Variants in ATG7 observed in about 807,000 individuals in gnomAD.
The protein encoded by ATG7 is autophagy related 7.
Under a neutral mutation model 82.4 loss-of-function variants are expected in ATG7, and 70 were observed. The observed-to-expected ratio is 0.85, with a 90% CI of 0.70 to 1.04. The LOEUF (loss-of-function observed/expected upper bound fraction) is 1.04. Ranked by LOEUF, ATG7 falls within the 50% of genes least tolerant of loss-of-function variation. ATG7 has a pLI of 0.00. For missense variants in ATG7, 792 were observed against 864.3 expected, an observed-to-expected ratio of 0.92 and a Z score of 1.05; for synonymous variants, 287 against 313.0, an observed-to-expected ratio of 0.92 and a Z score of 0.88.
At chr3:11,476,172 C>CCTGT (rs1274586754) in intron 20 of ATG7, among the ~76,000 whole-genome samples, 1 of 152,164 alleles carries the variant, frequency 6.6e-6, no homozygotes, top group Non-Finnish European at 1.5e-5. Flanking sequence ...ACTGATGTCA[C>CCTGT]CTGTAAGAAC....
chr3:11,522,124 C>T (rs2092458529), intron 20 of ATG7, among the ~76,000 whole-genome samples: 1 of 152,112 alleles, frequency 6.6e-6, no homozygotes, highest in African/African-American at 2.4e-5. Context: ...TCTGTCTATC[C>T]CTAGAACTCA....
chr3:11,532,285 C>A (rs2092707898), intron 20 of ATG7, among the ~76,000 whole-genome samples: 2 of 152,298 alleles, frequency 1.3e-5, no homozygotes, highest in South Asian at 4.1e-4. Flanking sequence ...TCTCAAGGAG[C>A]CGGCACACAT....
At chr3:11,361,473 C>T (rs952190179) in intron 16 of ATG7, among the ~76,000 whole-genome samples, 10 of 151,764 alleles carry the variant, frequency 6.6e-5, no homozygotes, top group African/African-American at 1.7e-4. Context: ...TTAGTAGAGA[C>T]GGGGTTTCAC....
Position 11,308,966 on chromosome 3 carries a change from C to G in ATG7, c.334-18C>G, listed in dbSNP as rs1365990322. 6.2e-7 allele frequency: 1 copy of G among 1,609,256 alleles called. No individual in the cohort carries two copies. Among genetic ancestry groups the G allele is most frequent in the Non-Finnish European group, 8.5e-7 (1 of 1,175,518 alleles). On this transcript the variant is annotated intron_variant, in intron 6 of 20. Coordinates refer to ENST00000693202, the MANE Select transcript of ATG7 (RefSeq NM_001349232.2). The stretch of plus-strand genomic sequence containing the variant: ...AGATGCCTGGTAACCTGCCTTGATG[C>G]TTTTCTTCTTCTTGCAGATATGGGA...
intron 19 of ATG7, among the ~76,000 whole-genome samples, chr3:11,424,617 T>C (rs1466040726): frequency 6.6e-6 from 1 of 151,430 alleles, no homozygotes; most frequent in African/African-American, 2.4e-5. Flanking sequence ...TAATTTTTAA[T>C]ATTAAATATT....
intron 19 of ATG7, among the ~76,000 whole-genome samples, chr3:11,410,299 T>C (rs898752469): frequency 4.6e-5 from 7 of 152,180 alleles, no homozygotes; most frequent in Non-Finnish European, 7.3e-5. Flanking sequence ...ACCTAGGTAT[T>C]TTTGGGTGTT....
Position 11,282,437 on chromosome 3 carries a change from A to C in ATG7, c.-12A>C, listed in dbSNP as rs1943220121. The stretch of plus-strand genomic sequence containing the variant: ...TCATGTTGATTCAGAGTTGGCTTGG[A>C]GGTGAGGAGGACAACTCACCCATCA... On this transcript the variant is annotated splice_region_variant and 5_prime_UTR_variant, in exon 3 of 21. Coordinates refer to ENST00000693202, the MANE Select transcript of ATG7 (RefSeq NM_001349232.2). The C allele has an allele frequency of 6.6e-6, 1 of 152,230 alleles. No individual in the cohort carries two copies. Among genetic ancestry groups the C allele is most frequent in the Admixed American group, 6.5e-5 (1 of 15,278 alleles). 9.4% of individuals were successfully genotyped at this position (152,230 alleles called of 1,614,324 possible). A position where few individuals can be genotyped will look rare whatever the true frequency, so the allele number is the denominator to read the frequency against.
chr3:11,514,674 G>C (rs2092207315), intron 20 of ATG7, among the ~76,000 whole-genome samples: 1 of 152,188 alleles, frequency 6.6e-6, no homozygotes, highest in Non-Finnish European at 1.5e-5. Flanking sequence ...GTTGACAGTG[G>C]CCTGATATGC....
chr3:11,365,979 G>A (rs572375250), intron 18 of ATG7, among the ~76,000 whole-genome samples: 102 of 152,184 alleles, frequency 6.7e-4, no homozygotes, highest in Admixed American at 4.6e-3. Flanking sequence ...CAGCACTTTG[G>A]GAGGCCGAGG....
chr3:11,427,819 A>C (rs2082505661), intron 20 of ATG7, among the ~76,000 whole-genome samples: 1 of 152,076 alleles, frequency 6.6e-6, no homozygotes, highest in Non-Finnish European at 1.5e-5. Flanking sequence ...CGTCTCAAAA[A>C]AAAAAAAAAA....
At chr3:11,469,240 G>A (rs1224846753) in intron 20 of ATG7, among the ~76,000 whole-genome samples, 2 of 151,892 alleles carry the variant, frequency 1.3e-5, no homozygotes, top group Non-Finnish European at 2.9e-5. Flanking sequence ...ACCTAAGGTC[G>A]GGAGTTCAAG....
At chr3:11,363,634 A>G (rs915429526) in intron 17 of ATG7, among the ~76,000 whole-genome samples, 5 of 152,238 alleles carry the variant, frequency 3.3e-5, no homozygotes, top group Non-Finnish European at 7.3e-5. Flanking sequence ...AGGCATAGTG[A>G]GGATAAGTAA....
chr3:11,323,757 T>C (rs569494038), intron 9 of ATG7, among the ~76,000 whole-genome samples: 2 of 152,352 alleles, frequency 1.3e-5, no homozygotes, highest in South Asian at 4.1e-4. Flanking sequence ...GTTGGGCTCT[T>C]TCTTCACTTA....
At chr3:11,405,301 T>C (rs928808990) in intron 19 of ATG7, among the ~76,000 whole-genome samples, 12 of 152,110 alleles carry the variant, frequency 7.9e-5, no homozygotes, top group Admixed American at 5.2e-4. Flanking sequence ...CCACTGACTA[T>C]TGGGCTGCCG....
At chr3:11,379,943 G>A in intron 18 of ATG7, 29 bp from the exon 19 acceptor site, 2 of 1,602,878 alleles carry the variant, frequency 1.2e-6, no homozygotes, top group Non-Finnish European at 1.7e-6. Context: ...TGTGTTTGAT[G>A]TGAATTGTTT....
intron 20 of ATG7, among the ~76,000 whole-genome samples, chr3:11,508,250 C>G (rs1575115058): frequency 6.6e-6 from 1 of 151,524 alleles, no homozygotes; most frequent in East Asian, 1.9e-4. Flanking sequence ...GGGGGGGTGT[C>G]CAATCTTTTG....
chr3:11,355,407 C>G (rs1303857830), intron 14 of ATG7, among the ~76,000 whole-genome samples: 1 of 152,180 alleles, frequency 6.6e-6, no homozygotes, highest in East Asian at 1.9e-4. Context: ...TTTAAAACTT[C>G]TGCTTCTCAA....
chr3:11,336,751 C>A (rs1000985185), intron 11 of ATG7, among the ~76,000 whole-genome samples: 7 of 152,196 alleles, frequency 4.6e-5, no homozygotes, highest in Non-Finnish European at 1.0e-4. Context: ...TAGCTCACTG[C>A]AGCCTTGACC....
chr3:11,317,584 C>CTTTTTTTTTTTTTTT (rs370026914), intron 9 of ATG7, among the ~76,000 whole-genome samples: 5 of 114,486 alleles, frequency 4.4e-5, no homozygotes, highest in African/African-American at 9.7e-5. Flanking sequence ...TTCTTTCTTT[C>CTTTTTTTTTTTTTTT]TTTTTTTTTT....
Sources: gnomAD v4.1 joint callset for allele counts (sites outside exome capture counted in the v4.1 genomes callset) on GRCh38, gnomAD v4.1.1 for gene constraint, MANE v1.5 for transcripts, NCBI Gene and HGNC (gene_info 2026-07-23, HGNC 2026-07-21) for gene names.